Variants in TLR6 observed in about 807,000 individuals in gnomAD.
The protein encoded by TLR6 is toll like receptor 6, also known as toll-like receptor 6.
Under a neutral mutation model 16.1 loss-of-function variants are expected in TLR6, and 9 were observed. That is an observed-to-expected ratio of 0.56 (90% CI 0.34 to 0.98). TLR6 has a LOEUF of 0.98. Ranked by LOEUF, TLR6 falls within the 50% of genes least tolerant of loss-of-function variation. TLR6 has a pLI of 0.02. For synonymous variants in TLR6, 340 were observed against 338.6 expected, an observed-to-expected ratio of 1.00 and a Z score of -0.04; for missense variants, 786 against 921.0, an observed-to-expected ratio of 0.85 and a Z score of 1.90.
At chr4:38,853,023 C>T (rs558047625) in intron 1 of TLR6, among the ~76,000 whole-genome samples, 3,610 of 150,802 alleles carry the variant, frequency 0.024, 150 homozygotes, top group African/African-American at 0.08. Flanking sequence ...AAATGTGGCA[C>T]ATATACACCA....
the TLR6 span, among the ~76,000 whole-genome samples, chr4:38,862,590 A>ATTTTT: frequency 7.7e-4 from 57 of 73,714 alleles, 3 homozygotes; most frequent in African/African-American, 2.3e-3. Context: ...CCCAATCACC[A>ATTTTT]TTTTTTTTTT....
At chr4:38,838,251 T>A (rs1414428084) in intron 1 of TLR6, among the ~76,000 whole-genome samples, 1 of 152,214 alleles carries the variant, frequency 6.6e-6, no homozygotes, top group African/African-American at 2.4e-5. Flanking sequence ...TGGATGTTTA[T>A]CTAAAAGAAC....
intron 1 of TLR6, among the ~76,000 whole-genome samples, chr4:38,844,653 A>G (rs73146558): frequency 0.16 from 24,062 of 152,252 alleles, 3,726 homozygotes; most frequent in African/African-American, 0.38. Flanking sequence ...ACTAAAATCA[A>G]TTGTTTTTTA....
exon 2 of TLR6, chr4:38,829,366 T>G (rs780382205): frequency 1.2e-6 from 2 of 1,614,136 alleles, no homozygotes; most frequent in Non-Finnish European, 8.5e-7. Flanking sequence ...TTGACTTGTC[T>G]ACTGCAAATT....
At chr4:38,838,927 G>GGGAAGGAAGGAAGGAAGGGA (rs1560267281) in intron 1 of TLR6, among the ~76,000 whole-genome samples, 1 of 123,178 alleles carries the variant, frequency 8.1e-6, no homozygotes. Context: ...GAGGGAGGGA[G>GGGAAGGAAGGAAGGAAGGGA]GGAAGGAAGG....
upstream of TLR6, among the ~76,000 whole-genome samples, chr4:38,858,891 GAA>G (rs1317451367): frequency 7.8e-6 from 1 of 128,924 alleles, no homozygotes; most frequent in East Asian, 2.5e-4. Flanking sequence ...AAGAAAGAGA[GAA>G]AGAAAGAAAG....
chr4:38,827,538 TA>T lies in TLR6; in HGVS notation c.1935del (p.Phe645LeufsTer12). The T allele has an allele frequency of 6.2e-7, 1 of 1,614,206 alleles. No homozygotes were observed. Among genetic ancestry groups the T allele is most frequent in the Non-Finnish European group, 8.5e-7 (1 of 1,180,044 alleles). ...GCAGAATCATGTTCACTATATGAAA[TA>T]AAAGCATGAAACTGGAGGTTTCTTT... On this transcript the variant is annotated frameshift_variant, in exon 2 of 2. Coordinates refer to ENST00000436693, the Ensembl canonical transcript of TLR6. LOFTEE classifies it high-confidence loss of function.
At chr4:38,858,887 G>GA (rs1228149820), upstream of TLR6, among the ~76,000 whole-genome samples, 1 of 44,938 alleles carries the variant, frequency 2.2e-5, no homozygotes, top group Non-Finnish European at 4.3e-5. Flanking sequence ...AAGAAAGAAA[G>GA]AGAGAAAGAA....
exon 2 of TLR6, chr4:38,828,066 C>T (rs55833598): frequency 3.2e-5 from 51 of 1,614,068 alleles, no homozygotes; most frequent in East Asian, 4.5e-5. Flanking sequence ...TCCAGTTTTA[C>T]GACTTGTTTA....
upstream of TLR6, among the ~76,000 whole-genome samples, chr4:38,860,471 CA>C (rs57276680): frequency 0.055 from 6,188 of 113,480 alleles, 342 homozygotes; most frequent in African/African-American, 0.15. Flanking sequence ...GACTCTGTCT[CA>C]AAAAAAAAAA....
intron 1 of TLR6, among the ~76,000 whole-genome samples, chr4:38,842,190 C>G (rs560184988): frequency 6.6e-6 from 1 of 152,068 alleles, no homozygotes; most frequent in East Asian, 1.9e-4. Context: ...TGAGGCCTGG[C>G]CAGGAGGTGG....
chr4:38,842,311 C>A (rs1712303219), intron 1 of TLR6, among the ~76,000 whole-genome samples: 2 of 152,180 alleles, frequency 1.3e-5, no homozygotes, highest in Admixed American at 6.5e-5. Flanking sequence ...TAAGGAGGAA[C>A]TACCTACTCC....
downstream of TLR6, among the ~76,000 whole-genome samples, chr4:38,823,138 C>T (rs1727393922): frequency 6.6e-6 from 1 of 152,210 alleles, no homozygotes; most frequent in Non-Finnish European, 1.5e-5. Context: ...CTGGGTCCCT[C>T]CCACAACACG....
At chr4:38,834,182 G>A (rs552817099) in intron 1 of TLR6, among the ~76,000 whole-genome samples, 3 of 151,316 alleles carry the variant, frequency 2.0e-5, no homozygotes, top group Non-Finnish European at 4.4e-5. Context: ...AGGTTGCAGC[G>A]AGCTGAGATT....
exon 2 of TLR6, chr4:38,823,739 AC>A (rs1188794631): frequency 1.3e-5 from 2 of 151,862 alleles, no homozygotes; most frequent in Non-Finnish European, 2.9e-5. Context: ...CAATTTTTCA[AC>A]CTCCCAGAAA....
intron 1 of TLR6, among the ~76,000 whole-genome samples, chr4:38,854,128 T>C (rs1231742844): frequency 6.6e-6 from 1 of 152,214 alleles, no homozygotes; most frequent in Non-Finnish European, 1.5e-5. Context: ...TACTGAATAA[T>C]TTGCCAAAAA....
chr4:38,866,054 G>A, the TLR6 span, among the ~76,000 whole-genome samples: 10 of 151,640 alleles, frequency 6.6e-5, no homozygotes, highest in Admixed American at 2.6e-4. Flanking sequence ...CAGAAGAATC[G>A]CTTGAACCCA....
intron 1 of TLR6, among the ~76,000 whole-genome samples, chr4:38,851,841 G>T (rs1331003989): frequency 1.3e-5 from 2 of 152,098 alleles, no homozygotes; most frequent in African/African-American, 2.4e-5. Context: ...TCCCCATCAA[G>T]CTACCAATGA....
At chr4:38,849,344 T>C (rs960648403) in intron 1 of TLR6, among the ~76,000 whole-genome samples, 11 of 152,284 alleles carry the variant, frequency 7.2e-5, no homozygotes, top group East Asian at 1.9e-4. Context: ...GTAAAGACCA[T>C]TGATGCTAGG....
Sources: allele counts gnomAD v4.1 joint callset (sites outside exome capture counted in the v4.1 genomes callset), GRCh38; gene constraint gnomAD v4.1.1; transcripts MANE v1.5; gene names NCBI Gene and HGNC (gene_info 2026-07-23, HGNC 2026-07-21).